Variants in CPAMD8 observed in about 807,000 individuals in gnomAD.
CPAMD8 encodes C3 and PZP like alpha-2-macroglobulin domain containing 8.
In CPAMD8, 146 loss-of-function variants were observed where a neutral mutation model predicts 224.7. The observed-to-expected ratio is 0.65, with a 90% CI of 0.57 to 0.75. The LOEUF (loss-of-function observed/expected upper bound fraction) is 0.75. Ranked by LOEUF, CPAMD8 falls within the 30% of genes least tolerant of loss-of-function variation. CPAMD8 has a pLI of 0.00. For synonymous variants in CPAMD8, 966 were observed against 1,044.6 expected, an observed-to-expected ratio of 0.92 and a Z score of 1.45; for missense variants, 2,301 against 2,537.5, an observed-to-expected ratio of 0.91 and a Z score of 2.00.
chr19:16,964,534 C>T (rs754658276), intron 18 of CPAMD8, among the ~76,000 whole-genome samples: 38 of 152,148 alleles, frequency 2.5e-4, no homozygotes, highest in Non-Finnish European at 4.7e-4. Context: ...GCTCTGAAAT[C>T]GAGGCAATAA....
At chr19:16,983,104 A>G (rs1169880605) in intron 13 of CPAMD8, among the ~76,000 whole-genome samples, 1 of 152,172 alleles carries the variant, frequency 6.6e-6, no homozygotes, top group East Asian at 1.9e-4. Flanking sequence ...CTGTGAATCC[A>G]TTAAACCTCT....
At chr19:16,946,189 GTGC>G (rs1568510485) in intron 21 of CPAMD8, among the ~76,000 whole-genome samples, 2 of 150,942 alleles carry the variant, frequency 1.3e-5, no homozygotes, top group Non-Finnish European at 3.0e-5. Context: ...GTGTGTGTGT[GTGC>G]ATGTCTGCAT....
chr19:16,992,072 GGGCCGCCA>G lies in CPAMD8; in HGVS notation c.1266+1336_1266+1343del, dbSNP rs529585482. On this transcript the variant is annotated intron_variant, in intron 12 of 41. Transcript: ENST00000443236. ...CCCATCTACGTATTTACTCTCTGCAGGGCCGCCAGGTCCACTGCCAGTTCCCAAAGCCA... is the reference window on the plus strand; with the variant it reads ...CCCATCTACGTATTTACTCTCTGCAGGGTCCACTGCCAGTTCCCAAAGCCA... Among the ~76,000 whole-genome samples, 154 of 152,258 alleles carry G rather than the reference GGGCCGCCA, an allele frequency of 1.0e-3. 3 individuals are homozygous for G. Among genetic ancestry groups the G allele is most frequent in the Middle Eastern group, 6.8e-3 (2 of 294 alleles).
chr19:16,980,977 C>T (rs914479030), intron 13 of CPAMD8, among the ~76,000 whole-genome samples: 14 of 147,258 alleles, frequency 9.5e-5, no homozygotes, highest in South Asian at 8.4e-4. Flanking sequence ...CTATTACAGG[C>T]GCCCGCCACC....
chr19:16,897,547 C>T lies in CPAMD8; in HGVS notation c.5065+144G>A, dbSNP rs1257567052. On this transcript the variant is annotated intron_variant, in intron 39 of 41. Coordinates refer to ENST00000443236, the MANE Select transcript of CPAMD8 (RefSeq NM_015692.5). ...GCCTCCCCCGTACAGGCAGAGCGCC[C>T]GCCCACCTCTATGCTGCGTTCTCCT... 5.2e-6 allele frequency: 3 copies of T among 572,458 alleles called. No homozygotes were observed. In the East Asian group the frequency reaches 9.5e-5, roughly 18 times the overall value. The allele number at this position is 572,458 out of a possible 1,614,324, so 35.5% of individuals were successfully genotyped here. A position where few individuals can be genotyped will look rare whatever the true frequency, so the allele number is the denominator to read the frequency against.
chr19:16,964,562 A>G (rs909500768), intron 18 of CPAMD8, among the ~76,000 whole-genome samples: 1 of 152,152 alleles, frequency 6.6e-6, no homozygotes, highest in Non-Finnish European at 1.5e-5. Context: ...CCTACCAACC[A>G]AAAAAAGTCC....
intron 30 of CPAMD8, among the ~76,000 whole-genome samples, chr19:16,906,407 T>TTTCTTTCC (rs1196710399): frequency 2.7e-3 from 190 of 69,772 alleles, no homozygotes; most frequent in East Asian, 5.1e-3. Context: ...TCTTTCTTTC[T>TTTCTTTCC]TTCCTTCCTT....
chr19:16,938,383 CG>C lies in CPAMD8; in HGVS notation c.2845+11del. The C allele has an allele frequency of 2.0e-6, 3 of 1,522,990 alleles. No homozygotes were observed. Among genetic ancestry groups the C allele is most frequent in the African/African-American group, 1.4e-5 (1 of 69,206 alleles). 94.3% of individuals were successfully genotyped at this position (1,522,990 alleles called of 1,614,324 possible). On this transcript the variant is annotated intron_variant, in intron 23 of 41. Transcript: ENST00000443236. The stretch of plus-strand genomic sequence containing the variant: ...TGGCCACACCTTAGCAGAATGGGCA[CG>C]GGGGACTCACCACTGGGACAGAAGA...
chr19:16,963,643 A>T (rs2122542233), intron 18 of CPAMD8, among the ~76,000 whole-genome samples: 1 of 152,324 alleles, frequency 6.6e-6, no homozygotes, highest in Middle Eastern at 3.4e-3. Flanking sequence ...GTGAGACAGA[A>T]GGTTAACAAG....
chr19:16,942,882 G>A (rs1473681671), intron 22 of CPAMD8, among the ~76,000 whole-genome samples: 1 of 152,188 alleles, frequency 6.6e-6, no homozygotes, highest in Non-Finnish European at 1.5e-5. Flanking sequence ...CATTTCTAAA[G>A]CCTTGTAGTA....
chr19:16,996,852 A>AAACAGGAC (rs2056142555), intron 11 of CPAMD8, among the ~76,000 whole-genome samples: 1 of 151,878 alleles, frequency 6.6e-6, no homozygotes, highest in Non-Finnish European at 1.5e-5. Context: ...CCCATTGAAG[A>AAACAGGAC]AACAGGACTG....
At chr19:17,022,008 G>A in intron 2 of CPAMD8, 22 bp downstream of exon 2, 1 of 1,576,668 alleles carries the variant, frequency 6.3e-7, no homozygotes. Context: ...GGAAGTCCTG[G>A]TCTGGCACCC....
chr19:16,912,313 G>T (rs956127900), intron 29 of CPAMD8, among the ~76,000 whole-genome samples: 23 of 152,290 alleles, frequency 1.5e-4, no homozygotes, highest in Non-Finnish European at 2.6e-4. Context: ...AGAAACAACT[G>T]CTGCCCTGCA....
rs1208817347 is a variant in CPAMD8 at position 16,929,114 on chromosome 19, G to A, written c.2972C>T (p.Pro991Leu). The change falls in exon 24 of 42, where the codon CCC (proline) becomes CTC (leucine). Residue 991 changes from proline (P) to leucine (L), a missense_variant. By Grantham distance (98) the Pro-to-Leu change is moderately conservative. Around this residue, in one of 4 missense-constraint regions of CPAMD8, gnomAD observed 1,709 missense variants for 1,753.2 expected, o/e 0.97. Coordinates refer to ENST00000443236, the MANE Select transcript of CPAMD8 (RefSeq NM_015692.5). ...CTCGATCATGCCTGCTGTGTCCTGGGGCCCAGAAGACAAGGCCACACGGGC... is the reference window on the plus strand; with the variant it reads ...CTCGATCATGCCTGCTGTGTCCTGGAGCCCAGAAGACAAGGCCACACGGGC... Reference protein sequence around the residue: ...NDARVALSSGPQDTAGMIEIV... With the variant: ...NDARVALSSGLQDTAGMIEIV... The A allele has an allele frequency of 6.2e-7, 1 of 1,614,050 alleles. No individual in the cohort carries two copies. Among genetic ancestry groups the A allele is most frequent in the Admixed American group, 1.7e-5 (1 of 60,006 alleles).
At position 16,997,898 on chromosome 19, in the gene CPAMD8, G is replaced by C. The variant is rs186008331; in HGVS notation, c.868-560C>G. ...ATCTCCCACAGCCCAGGCAACAGAG[G>C]GGGCAGCTGAACCTGCTCAGCCTCA... On this transcript the variant is annotated intron_variant, in intron 10 of 41. Transcript: ENST00000443236. Among the ~76,000 whole-genome samples the C allele has an allele frequency of 1.1e-3, 171 of 152,102 alleles. 1 individual carries two copies. The highest frequency in any genetic ancestry group is 3.9e-3 in the East Asian group (20 of 5,164).
chr19:16,929,083 G>GACGA lies in CPAMD8; in HGVS notation c.2999_3002dup (p.Leu1002ArgfsTer34). On this transcript the variant is annotated frameshift_variant, in exon 24 of 42. Transcript: ENST00000443236. LOFTEE classifies it high-confidence loss of function. Reference sequence around the variant, plus strand: ...ACCTGGTGTTCTGATGCCCCCCCAGGACGATCTCGATCATGCCTGCTGTGT... The same window carrying GACGA: ...ACCTGGTGTTCTGATGCCCCCCCAGGACGAACGATCTCGATCATGCCTGCTGTGT... 6.2e-7 allele frequency: 1 copy of GACGA among 1,614,084 alleles called. No individual in the cohort carries two copies. Among genetic ancestry groups the GACGA allele is most frequent in the Non-Finnish European group, 8.5e-7 (1 of 1,179,978 alleles).
At chr19:17,012,748 G>A (rs892703045) in intron 3 of CPAMD8, among the ~76,000 whole-genome samples, 2 of 152,200 alleles carry the variant, frequency 1.3e-5, no homozygotes, top group South Asian at 2.1e-4. Context: ...TCACTGGAGA[G>A]TTACAAGAAC....
chr19:17,009,344 T>C, intron 5 of CPAMD8, 24 bp from the exon 6 acceptor site: 1 of 1,614,002 alleles, frequency 6.2e-7, no homozygotes, highest in Non-Finnish European at 8.5e-7. Context: ...ACAGATGCAG[T>C]GAGCAAATCT....
chr19:16,986,021 G>T (rs1039254183), intron 13 of CPAMD8, among the ~76,000 whole-genome samples: 15 of 151,912 alleles, frequency 9.9e-5, no homozygotes, highest in Non-Finnish European at 2.2e-4. Flanking sequence ...GATCTTGGGG[G>T]GAAAAGGAGA....
Sources: gnomAD v4.1 joint callset for allele counts (sites outside exome capture counted in the v4.1 genomes callset) on GRCh38, gnomAD v4.1.1 for gene constraint, gnomAD v4.1.1 regional missense constraint, MANE v1.5 for transcripts, NCBI Gene and HGNC (gene_info 2026-07-23, HGNC 2026-07-21) for gene names.